The following PPP1R16B variants were observed in gnomAD, a reference collection of about 807,000 sequenced individuals.
The protein encoded by PPP1R16B is protein phosphatase 1 regulatory inhibitor subunit 16B.
PPP1R16B carries 14 observed loss-of-function variants against 61.7 expected under a neutral mutation model. The observed-to-expected ratio is 0.23, with a 90% CI of 0.15 to 0.35. The LOEUF is 0.35. Ranked by LOEUF, PPP1R16B falls within the 10% of genes least tolerant of loss-of-function variation. The probability of loss-of-function intolerance (pLI) is 1.00; values close to 1 mark genes in which losing one functional copy is unlikely to be tolerated. For missense variants in PPP1R16B, 547 were observed against 752.5 expected, an observed-to-expected ratio of 0.73 and a Z score of 3.19; for synonymous variants, 266 against 305.3, an observed-to-expected ratio of 0.87 and a Z score of 1.34.
intron 2 of PPP1R16B, among the ~76,000 whole-genome samples, chr20:38,873,890 G>A (rs963056702): frequency 1.3e-5 from 2 of 151,876 alleles, no homozygotes; most frequent in African/African-American, 2.4e-5. Flanking sequence ...CACCACACTC[G>A]GCTAATTTTT....
chr20:38,865,003 G>A (rs140701838), intron 2 of PPP1R16B, among the ~76,000 whole-genome samples: 60 of 152,248 alleles, frequency 3.9e-4, no homozygotes, highest in African/African-American at 1.1e-3. Context: ...CGGTGGCCTC[G>A]GCCCTGGTTC....
chr20:38,918,479 T>G lies in PPP1R16B; in HGVS notation c.1517T>G (p.Met506Arg), dbSNP rs1435700402. The G allele has an allele frequency of 6.2e-7, 1 of 1,613,104 alleles. No individual in the cohort carries two copies. The highest frequency in any genetic ancestry group is 1.7e-5 in the Admixed American group (1 of 59,960). The stretch of plus-strand genomic sequence containing the variant: ...CTTAGCACACACCTGGGCAGCAGCA[T>G]GGCCAGGACGGGCGAGAGTAGCAGT... ...PFLSTHLGSS[M>R]ARTGESSSEG... The change falls in exon 11 of 11, where the codon ATG (methionine) becomes AGG (arginine). Residue 506 changes from methionine to arginine, a missense_variant. Met to Arg is a moderately conservative substitution (Grantham distance 91). Transcript: ENST00000299824. The surrounding 1 kb of genome is among the most constrained non-coding windows in gnomAD (Gnocchi z 5.3).
intron 2 of PPP1R16B, among the ~76,000 whole-genome samples, chr20:38,884,600 G>A (rs2085228926): frequency 6.6e-6 from 1 of 152,200 alleles, no homozygotes; most frequent in African/African-American, 2.4e-5. Flanking sequence ...TAGTTTGTCA[G>A]TCCCAATGAA....
intron 2 of PPP1R16B, among the ~76,000 whole-genome samples, chr20:38,855,682 C>G (rs1271799088): frequency 6.6e-6 from 1 of 151,654 alleles, no homozygotes; most frequent in East Asian, 1.9e-4. Context: ...GAGCCCCCTG[C>G]CTGAGCAGCA....
At chr20:38,876,677 C>G (rs1380646622) in intron 2 of PPP1R16B, among the ~76,000 whole-genome samples, 1 of 152,224 alleles carries the variant, frequency 6.6e-6, no homozygotes, top group African/African-American at 2.4e-5. Flanking sequence ...TAACTTCCTA[C>G]TCAATACAGG....
chr20:38,833,104 T>G (rs2084848179), intron 1 of PPP1R16B, among the ~76,000 whole-genome samples: 1 of 152,206 alleles, frequency 6.6e-6, no homozygotes, highest in Admixed American at 6.5e-5. Flanking sequence ...ATCCATAAAA[T>G]GGAATACTAC....
intron 2 of PPP1R16B, among the ~76,000 whole-genome samples, chr20:38,839,621 C>G (rs2084896430): frequency 6.6e-6 from 1 of 152,028 alleles, no homozygotes; most frequent in Admixed American, 6.6e-5. Flanking sequence ...AATATAGAGC[C>G]AGGTTTCTTT....
chr20:38,849,939 T>C lies in PPP1R16B; in HGVS notation c.250+13764T>C, dbSNP rs1215132339. The stretch of plus-strand genomic sequence containing the variant: ...GTTCAGCTAGTTTTGGATTCTTGAA[T>C]GATACGTTAGGACTTTTGTGTCACC... On this transcript the variant is annotated intron_variant, in intron 2 of 10. Coordinates refer to ENST00000299824, the MANE Select transcript of PPP1R16B (RefSeq NM_015568.4). Among the ~76,000 whole-genome samples, 3 of 152,200 alleles carry C rather than the reference T, an allele frequency of 2.0e-5. No individual in the cohort carries two copies. In the East Asian group the frequency reaches 5.8e-4, roughly 29 times the overall value.
chr20:38,825,283 G>A (rs2084798684), intron 1 of PPP1R16B, among the ~76,000 whole-genome samples: 2 of 152,210 alleles, frequency 1.3e-5, no homozygotes, highest in South Asian at 2.1e-4. Flanking sequence ...CCAACAGCAT[G>A]CTGTCTCCCC....
chr20:38,863,044 G>A (rs193208052), intron 2 of PPP1R16B, among the ~76,000 whole-genome samples: 2 of 152,258 alleles, frequency 1.3e-5, no homozygotes, highest in East Asian at 1.9e-4. Flanking sequence ...GACCATCGTG[G>A]TGCTGGGTCA....
At chr20:38,893,866 G>T (rs2085311435) in intron 3 of PPP1R16B, among the ~76,000 whole-genome samples, 1 of 152,112 alleles carries the variant, frequency 6.6e-6, no homozygotes, top group Non-Finnish European at 1.5e-5. Flanking sequence ...GCGGTCTCTA[G>T]GGGTTGGATT....
rs1468130990 is a variant in PPP1R16B, at chr20:38,919,253, G to C, written c.*587G>C. ...CTGAGCCACCAGCCACACCTGACAGGGGTGAGAAGTCCTCGCTGTGTTCAG... is the reference window on the plus strand; with the variant it reads ...CTGAGCCACCAGCCACACCTGACAGCGGTGAGAAGTCCTCGCTGTGTTCAG... On this transcript the variant is annotated 3_prime_UTR_variant, in exon 11 of 11. Coordinates refer to ENST00000299824, the MANE Select transcript of PPP1R16B (RefSeq NM_015568.4). 5 of 152,698 alleles carry C rather than the reference G, an allele frequency of 3.3e-5. No homozygotes were observed. Among genetic ancestry groups the C allele is most frequent in the South Asian group, 2.1e-4 (1 of 4,832 alleles). The allele number at this position is 152,698 out of a possible 1,614,324, so 9.5% of individuals were successfully genotyped here. A position where few individuals can be genotyped will look rare whatever the true frequency, so the allele number is the denominator to read the frequency against.
At chr20:38,882,965 G>A (rs1452350505) in intron 2 of PPP1R16B, among the ~76,000 whole-genome samples, 3 of 152,244 alleles carry the variant, frequency 2.0e-5, no homozygotes, top group Non-Finnish European at 4.4e-5. Flanking sequence ...ACCAGTGAGG[G>A]ATTCAGGGAG....
intron 2 of PPP1R16B, among the ~76,000 whole-genome samples, chr20:38,866,561 C>CA (rs2085091892): frequency 6.6e-6 from 1 of 152,162 alleles, no homozygotes; most frequent in Admixed American, 6.5e-5. Context: ...TTTTCTCACA[C>CA]CATGGATGTC....
chr20:38,836,144 G>A lies in PPP1R16B; in HGVS notation c.219G>A (p.Leu73=). ...CCTTCGAGGCCAGCGTGGCCCTGCT[G>A]GAGGCCTCGCTGAGGAACGACGCCG... ...KVSFEASVAL[L]EASLRNDAEE... Residue 73 remains leucine, a synonymous_variant, in exon 2 of 11, where the codon CTG becomes CTA. Coordinates refer to ENST00000299824, the MANE Select transcript of PPP1R16B (RefSeq NM_015568.4). 1.2e-6 allele frequency: 2 copies of A among 1,611,610 alleles called. No homozygotes were observed. Among genetic ancestry groups the A allele is most frequent in the South Asian group, 1.1e-5 (1 of 91,022 alleles).
At chr20:38,882,659 C>A (rs1464537363) in intron 2 of PPP1R16B, among the ~76,000 whole-genome samples, 3 of 152,166 alleles carry the variant, frequency 2.0e-5, no homozygotes, top group Non-Finnish European at 4.4e-5. Context: ...CCCTCAGGAA[C>A]AAGTAGCTCC....
chr20:38,836,746 T>G (rs1360623146), intron 2 of PPP1R16B, among the ~76,000 whole-genome samples: 1 of 152,158 alleles, frequency 6.6e-6, no homozygotes. Context: ...CCCAGGCTGG[T>G]CTCAAACTCC....
chr20:38,922,794 T>C lies in PPP1R16B; in HGVS notation c.*4128T>C, dbSNP rs1568692226. The C allele has an allele frequency of 6.5e-6, 1 of 152,686 alleles. No homozygotes were observed. Among genetic ancestry groups the C allele is most frequent in the Non-Finnish European group, 1.5e-5 (1 of 68,060 alleles). 9.5% of individuals were successfully genotyped at this position (152,686 alleles called of 1,614,324 possible). Reference sequence around the variant, plus strand: ...AAATGGCAATCAAGAGAGTCTAATATATTTAAAACTTTTTTAAAAAAAATC... The same window carrying C: ...AAATGGCAATCAAGAGAGTCTAATACATTTAAAACTTTTTTAAAAAAAATC... On this transcript the variant is annotated 3_prime_UTR_variant, in exon 11 of 11. Coordinates refer to ENST00000299824, the MANE Select transcript of PPP1R16B (RefSeq NM_015568.4).
intron 1 of PPP1R16B, among the ~76,000 whole-genome samples, chr20:38,826,811 A>T (rs1488580134): frequency 6.6e-6 from 1 of 152,210 alleles, no homozygotes; most frequent in African/African-American, 2.4e-5. Context: ...AAGGCCATGG[A>T]GTTCCTGGTA....
Sources: allele counts gnomAD v4.1 joint callset (sites outside exome capture counted in the v4.1 genomes callset), GRCh38; gene constraint gnomAD v4.1.1; non-coding constraint Gnocchi (gnomAD v3.1); transcripts MANE v1.5; gene names NCBI Gene and HGNC (gene_info 2026-07-23, HGNC 2026-07-21).